DSCAM: variants seen among roughly 807,000 people sequenced by gnomAD.
DSCAM encodes DS cell adhesion molecule.
Under a neutral mutation model 217.7 loss-of-function variants are expected in DSCAM, and 47 were observed. The observed-to-expected ratio is 0.22, with a 90% confidence interval of 0.17 to 0.28. DSCAM has a LOEUF of 0.28. DSCAM is among the 10% of genes least tolerant of loss of function. The pLI is 1.00. For missense variants in DSCAM, 2,080 were observed against 2,618.3 expected, an observed-to-expected ratio of 0.79 and a Z score of 4.49; for synonymous variants, 1,056 against 1,015.3, an observed-to-expected ratio of 1.04 and a Z score of -0.76.
Position 40,347,920 on chromosome 21 carries a change from G to A in DSCAM, c.960C>T (p.Pro320=), listed in dbSNP as rs1409031828. The change falls in exon 6 of 33, where the codon CCC becomes CCT. Residue 320 remains proline, a synonymous_variant. Coordinates refer to ENST00000400454, the MANE Select transcript of DSCAM (RefSeq NM_001389.5). ...VKQPLKATIS[P]RKVKSSVGSQ... is the part of the protein sequence containing the mutation. ...TACCCACGCTGCTTTTAACCTTCCTGGGACTGATGGTGGCTTTCAGTGGCT... is the reference window on the plus strand; with the variant it reads ...TACCCACGCTGCTTTTAACCTTCCTAGGACTGATGGTGGCTTTCAGTGGCT... The A allele has an allele frequency of 1.2e-6, 2 of 1,613,236 alleles. No homozygotes were observed. Among genetic ancestry groups the A allele is most frequent in the Middle Eastern group, 1.7e-4 (1 of 5,998 alleles).
At chr21:40,158,050 C>A (rs2090498766) in intron 16 of DSCAM, among the ~76,000 whole-genome samples, 1 of 152,154 alleles carries the variant, frequency 6.6e-6, no homozygotes, top group African/African-American at 2.4e-5. Flanking sequence ...GAATTTTAGA[C>A]ATCAACATGC....
chr21:40,589,383 C>T (rs985478290), intron 3 of DSCAM, among the ~76,000 whole-genome samples: 1 of 152,160 alleles, frequency 6.6e-6, no homozygotes, highest in Non-Finnish European at 1.5e-5. Flanking sequence ...TGAGACCAGC[C>T]TGGCCAATAT....
chr21:40,576,505 A>G lies in DSCAM; in HGVS notation c.508+116305T>C, dbSNP rs138534589. On this transcript the variant is annotated intron_variant, in intron 3 of 32. Transcript: ENST00000400454. ...GTGGTGTCAACTTGGGTGTCTTCCA[A>G]TGACAAAACATATTAAGCTAAAAAA... Among the ~76,000 whole-genome samples the G allele has an allele frequency of 3.8e-3, 574 of 152,272 alleles. 6 individuals are homozygous for G. Among genetic ancestry groups the G allele is most frequent in the Non-Finnish European group, 3.7e-3 (252 of 68,018 alleles).
At chr21:40,356,247 A>C (rs1461581499) in intron 4 of DSCAM, among the ~76,000 whole-genome samples, 1 of 152,196 alleles carries the variant, frequency 6.6e-6, no homozygotes, top group Non-Finnish European at 1.5e-5. Context: ...CAGTGACTAC[A>C]GTTAATAACA....
chr21:40,138,306 G>A (rs914090972), intron 18 of DSCAM, among the ~76,000 whole-genome samples: 2 of 150,478 alleles, frequency 1.3e-5, no homozygotes, highest in Non-Finnish European at 3.0e-5. Context: ...TGTGCGTGGT[G>A]TGTGTGTATG....
chr21:40,192,280 A>T (rs1012491216), intron 11 of DSCAM, among the ~76,000 whole-genome samples: 6 of 152,054 alleles, frequency 3.9e-5, no homozygotes, highest in African/African-American at 1.4e-4. Flanking sequence ...TCTCATCTTG[A>T]ATTGTAGTTT....
Position 40,347,738 on chromosome 21 carries a change from C to G in DSCAM, c.1142G>C (p.Gly381Ala). The change falls in exon 6 of 33, where the codon GGC becomes GCC. Residue 381 changes from glycine to alanine, a missense_variant. Around this residue, in one of 5 missense-constraint regions of DSCAM, gnomAD observed 568 missense variants for 678.1 expected, o/e 0.84. Transcript: ENST00000400454. Reference protein sequence around the residue: ...IMDHMVKSDGGAYQCFVRKDK... With the variant: ...IMDHMVKSDGAAYQCFVRKDK... ...CTTGCGCACAAAGCACTGGTATGCG[C>G]CCCCGTCACTTTTGACCATGTGATC... 6.2e-7 allele frequency: 1 copy of G among 1,614,198 alleles called. No individual in the cohort carries two copies. Among genetic ancestry groups the G allele is most frequent in the African/African-American group, 1.3e-5 (1 of 75,056 alleles).
intron 1 of DSCAM, among the ~76,000 whole-genome samples, chr21:40,832,080 G>A (rs1321248843): frequency 1.3e-5 from 2 of 152,108 alleles, no homozygotes; most frequent in Non-Finnish European, 2.9e-5. Flanking sequence ...TCCAAACCCT[G>A]GTTTTGCAAT....
intron 3 of DSCAM, among the ~76,000 whole-genome samples, chr21:40,447,758 A>T (rs1379898864): frequency 6.6e-6 from 1 of 152,232 alleles, no homozygotes; most frequent in Non-Finnish European, 1.5e-5. Context: ...GGTGAATGAC[A>T]TTAATTTTTT....
At chr21:40,700,008 A>G (rs148624167) in intron 2 of DSCAM, among the ~76,000 whole-genome samples, 3 of 152,366 alleles carry the variant, frequency 2.0e-5, no homozygotes, top group East Asian at 1.9e-4. Flanking sequence ...CCTAGCCTCA[A>G]TGCTTCAAAA....
At chr21:40,684,797 A>T (rs952088030) in intron 3 of DSCAM, among the ~76,000 whole-genome samples, 6 of 152,238 alleles carry the variant, frequency 3.9e-5, no homozygotes, top group Non-Finnish European at 2.9e-5. Context: ...TTCCTAAATG[A>T]TCCTGTTATT....
At chr21:40,644,402 C>G (rs1343886648) in intron 3 of DSCAM, among the ~76,000 whole-genome samples, 2 of 152,084 alleles carry the variant, frequency 1.3e-5, no homozygotes, top group Non-Finnish European at 2.9e-5. Flanking sequence ...TTTAGGGTAA[C>G]CAAGGGTTAA....
chr21:40,831,124 G>A (rs767657740), intron 1 of DSCAM, among the ~76,000 whole-genome samples: 3 of 152,230 alleles, frequency 2.0e-5, no homozygotes, highest in Non-Finnish European at 2.9e-5. Flanking sequence ...GCAGCCAGCA[G>A]CCGAGGGAAG....
At chr21:40,682,666 GGGGGA>G (rs1397065409) in intron 3 of DSCAM, among the ~76,000 whole-genome samples, 2 of 13,500 alleles carry the variant, frequency 1.5e-4, no homozygotes, top group African/African-American at 4.5e-4. Flanking sequence ...AGGGAGCGGA[GGGGGA>G]GGGGAGGGGA....
At chr21:40,372,597 A>G (rs140055344) in intron 3 of DSCAM, among the ~76,000 whole-genome samples, 2 of 152,318 alleles carry the variant, frequency 1.3e-5, no homozygotes, top group African/African-American at 2.4e-5. Flanking sequence ...TGGCATCTCA[A>G]GATGCATGGA....
At chr21:40,164,478 C>T (rs1348823628) in intron 16 of DSCAM, among the ~76,000 whole-genome samples, 1 of 152,112 alleles carries the variant, frequency 6.6e-6, no homozygotes, top group Non-Finnish European at 1.5e-5. Flanking sequence ...AAATTAGAAG[C>T]TCTTCTTTGG....
intron 1 of DSCAM, among the ~76,000 whole-genome samples, chr21:40,711,290 C>T (rs1409434045): frequency 1.3e-5 from 2 of 152,054 alleles, no homozygotes; most frequent in South Asian, 2.1e-4. Context: ...GGGGTTGCTA[C>T]TAAGTCTATG....
At chr21:40,093,473 TCC>T in intron 21 of DSCAM, among the ~76,000 whole-genome samples, 1 of 152,198 alleles carries the variant, frequency 6.6e-6, no homozygotes, top group Non-Finnish European at 1.5e-5. Flanking sequence ...AGGGCTCCTT[TCC>T]TAATTTTCAT....
intron 4 of DSCAM, among the ~76,000 whole-genome samples, chr21:40,354,848 CAAAAAAAA>C (rs11314417): frequency 8.9e-6 from 1 of 112,374 alleles, no homozygotes; most frequent in Admixed American, 8.7e-5. Context: ...AACTCTGTCT[CAAAAAAAA>C]AAAAAAAAAA....
Sources: allele counts gnomAD v4.1 joint callset (sites outside exome capture counted in the v4.1 genomes callset), GRCh38; gene constraint gnomAD v4.1.1; regional missense constraint gnomAD v4.1.1; transcripts MANE v1.5; gene names NCBI Gene and HGNC (gene_info 2026-07-23, HGNC 2026-07-21).